PPP4R2: variants seen among roughly 807,000 people sequenced by gnomAD.
The protein encoded by PPP4R2 is serine/threonine-protein phosphatase 4 regulatory subunit 2.
PPP4R2 carries 13 observed loss-of-function variants against 47.2 expected under a neutral mutation model. That is an observed-to-expected ratio of 0.28 (90% confidence interval 0.18 to 0.44). PPP4R2 has a LOEUF of 0.44. PPP4R2 is among the 20% of genes least tolerant of loss of function. The probability of loss-of-function intolerance (pLI) is 1.00; values close to 1 mark genes in which losing one functional copy is unlikely to be tolerated. For synonymous variants in PPP4R2, 151 were observed against 163.3 expected (o/e 0.92, Z 0.57); for missense variants, 421 against 491.2 (o/e 0.86, Z 1.35).
At chr3:73,061,286 C>A (rs2107339329) in intron 5 of PPP4R2, 1 of 252,020 alleles carries the variant, frequency 4.0e-6, no homozygotes. Flanking sequence ...TGGTGATTTA[C>A]TGTAATTTTA....
chr3:73,064,511 A>G (rs1485762251), intron 7 of PPP4R2, among the ~76,000 whole-genome samples: 1 of 152,176 alleles, frequency 6.6e-6, no homozygotes, highest in Admixed American at 6.5e-5. Flanking sequence ...TTATATCTTC[A>G]AATTTTCTGT....
At chr3:73,053,504 A>G (rs1319903397) in intron 3 of PPP4R2, among the ~76,000 whole-genome samples, 1 of 152,212 alleles carries the variant, frequency 6.6e-6, no homozygotes, top group Non-Finnish European at 1.5e-5. Context: ...GAACTCCAAG[A>G]GATGATTAAC....
intron 2 of PPP4R2, among the ~76,000 whole-genome samples, chr3:73,021,515 C>CGCTT (rs908847609): frequency 1.3e-5 from 2 of 152,054 alleles, no homozygotes; most frequent in African/African-American, 4.8e-5. Context: ...GGATTACAAG[C>CGCTT]ATAAGCCATC....
intron 3 of PPP4R2, among the ~76,000 whole-genome samples, chr3:73,049,288 G>C (rs1450533745): frequency 6.6e-6 from 1 of 151,920 alleles, no homozygotes; most frequent in Non-Finnish European, 1.5e-5. Context: ...CACTAGGTCA[G>C]GAGATTGAGA....
chr3:73,048,330 G>A (rs568850508), intron 3 of PPP4R2, among the ~76,000 whole-genome samples: 6 of 152,260 alleles, frequency 3.9e-5, no homozygotes, highest in South Asian at 2.1e-4. Context: ...TCGGCTCACC[G>A]CAACCTCCGC....
At chr3:73,022,928 G>C (rs1372248009) in intron 2 of PPP4R2, among the ~76,000 whole-genome samples, 2 of 152,082 alleles carry the variant, frequency 1.3e-5, no homozygotes, top group South Asian at 2.1e-4. Flanking sequence ...TGAGTATTCA[G>C]TGTAAATAGG....
At chr3:73,053,101 G>C (rs1383584396) in intron 3 of PPP4R2, among the ~76,000 whole-genome samples, 3 of 152,128 alleles carry the variant, frequency 2.0e-5, no homozygotes, top group African/African-American at 7.2e-5. Context: ...TCACTTTATT[G>C]CTTCCTGATT....
chr3:72,999,697 T>C (rs190206336), intron 2 of PPP4R2, among the ~76,000 whole-genome samples: 141 of 152,328 alleles, frequency 9.3e-4, no homozygotes, highest in East Asian at 4.1e-3. Context: ...GGGGAAGTTA[T>C]CTGATTTTTT....
intron 4 of PPP4R2, among the ~76,000 whole-genome samples, chr3:73,060,502 T>TA (rs1194939247): frequency 6.6e-6 from 1 of 152,198 alleles, no homozygotes; most frequent in Non-Finnish European, 1.5e-5. Context: ...GCAAAACACT[T>TA]ACTGTGACTC....
chr3:73,040,248 TATC>T (rs766311301), intron 2 of PPP4R2, among the ~76,000 whole-genome samples: 8 of 152,196 alleles, frequency 5.3e-5, no homozygotes, highest in South Asian at 2.1e-4. Context: ...TTTGAAAGGT[TATC>T]ATACTCAAAT....
rs2107357646 is a variant in PPP4R2 at position 73,068,577 on chromosome 3, T to C, written c.*2855T>C. On this transcript the variant is annotated 3_prime_UTR_variant, in exon 9 of 9. Coordinates refer to ENST00000356692, the MANE Select transcript of PPP4R2 (RefSeq NM_174907.4). Reference sequence around the variant, plus strand: ...CACCTTTCAGACGTGTGTTTTGGAGTAGTGGAATTGCCAGCCAGGCCCTGT... The same window carrying C: ...CACCTTTCAGACGTGTGTTTTGGAGCAGTGGAATTGCCAGCCAGGCCCTGT... 1 of 152,300 alleles carries C rather than the reference T, an allele frequency of 6.6e-6. No homozygotes were observed. The highest frequency in any genetic ancestry group is 2.1e-4 in the South Asian group (1 of 4,826). 9.4% of individuals were successfully genotyped at this position (152,300 alleles called of 1,614,324 possible). A position where few individuals can be genotyped will look rare whatever the true frequency, so the allele number is the denominator to read the frequency against.
intron 4 of PPP4R2, among the ~76,000 whole-genome samples, chr3:73,060,715 C>T (rs550945318): frequency 2.2e-4 from 33 of 151,890 alleles, no homozygotes; most frequent in African/African-American, 7.5e-4. Flanking sequence ...TTGTTGATTC[C>T]ATCTGAGCTT....
rs1034634897 is a variant in PPP4R2 at position 73,031,433 on chromosome 3, C to T, written c.117-15753C>T. ...TGGCATGCACCTGTAATCCCAGCTA[C>T]TCGGGAGGCTGAGGCAGGAGAACCA... is the stretch of plus-strand genomic sequence containing the variant. On this transcript the variant is annotated intron_variant, in intron 2 of 8. Coordinates refer to ENST00000356692, the MANE Select transcript of PPP4R2 (RefSeq NM_174907.4). Among the ~76,000 whole-genome samples the T allele has an allele frequency of 3.3e-5, 5 of 152,122 alleles. No individual in the cohort carries two copies. The South Asian group carries it at 6.2e-4, about 19-fold the overall frequency.
intron 1 of PPP4R2, 86 bp downstream of exon 1, chr3:72,997,157 G>C (rs949944162): frequency 4.5e-6 from 5 of 1,116,336 alleles, no homozygotes; most frequent in Middle Eastern, 2.2e-4. Context: ...TCCGAGGACC[G>C]GGGCCGGGCG....
intron 2 of PPP4R2, among the ~76,000 whole-genome samples, chr3:73,016,853 C>G (rs963499340): frequency 1.5e-5 from 2 of 133,228 alleles, no homozygotes; most frequent in African/African-American, 2.8e-5. Context: ...GAGTCTCACT[C>G]TGTCGCCCAG....
rs1295230391 is a variant in PPP4R2, at chr3:73,068,413, T to C, written c.*2691T>C. ...ATTATGTTTCTAGCACTTTTCCCTT[T>C]TAAAAAGTGAAAATATCCTTGTACA... On this transcript the variant is annotated 3_prime_UTR_variant, in exon 9 of 9. Transcript: ENST00000356692. 6.6e-6 allele frequency: 1 copy of C among 152,204 alleles called. No individual in the cohort carries two copies. The highest frequency in any genetic ancestry group is 1.5e-5 in the Non-Finnish European group (1 of 68,032). The allele number at this position is 152,204 out of a possible 1,614,324, so 9.4% of individuals were successfully genotyped here.
intron 2 of PPP4R2, among the ~76,000 whole-genome samples, chr3:73,013,764 G>A (rs1038093063): frequency 2.0e-5 from 3 of 151,862 alleles, no homozygotes; most frequent in Non-Finnish European, 2.9e-5. Flanking sequence ...TCAGCCTCCC[G>A]AGTAGGTGGG....
At chr3:73,004,736 A>G (rs62251769) in intron 2 of PPP4R2, among the ~76,000 whole-genome samples, 58,664 of 151,984 alleles carry the variant, frequency 0.39, 11,730 homozygotes, top group African/African-American at 0.44. Context: ...AGGTGTCACC[A>G]TGCCTGGCCA....
At chr3:73,008,499 T>G (rs140195053) in intron 2 of PPP4R2, among the ~76,000 whole-genome samples, 22 of 152,330 alleles carry the variant, frequency 1.4e-4, no homozygotes, top group African/African-American at 5.3e-4. Context: ...TTACTAGTCG[T>G]TGGCTAGTTT....
Sources: allele counts gnomAD v4.1 joint callset (sites outside exome capture counted in the v4.1 genomes callset), GRCh38; gene constraint gnomAD v4.1.1; transcripts MANE v1.5; gene names NCBI Gene and HGNC (gene_info 2026-07-23, HGNC 2026-07-21).